Variants in C8A observed in about 807,000 individuals in gnomAD.
C8A encodes the protein complement component C8 alpha chain.
C8A carries 67 observed loss-of-function variants against 65.3 expected under a neutral mutation model. The ratio of observed to expected loss-of-function variants is 1.03; its 90% CI spans 0.84 to 1.26. The LOEUF (loss-of-function observed/expected upper bound fraction) is 1.26. Ranked by LOEUF, C8A falls within the 50% of genes most tolerant of loss-of-function variation. C8A has a pLI of 0.00. For missense variants in C8A, 781 were observed against 723.9 expected (o/e 1.08, Z -0.90); for synonymous variants, 290 against 259.4 (o/e 1.12, Z -1.13).
chr1:56,902,358 G>A (rs561760406), intron 7 of C8A, among the ~76,000 whole-genome samples: 9 of 151,044 alleles, frequency 6.0e-5, no homozygotes, highest in African/African-American at 2.2e-4. Flanking sequence ...CAGTTCTACT[G>A]GTCTCTCTTA....
At chr1:56,856,997 TTTCAA>T (rs1643983290) in intron 1 of C8A, among the ~76,000 whole-genome samples, 1 of 152,068 alleles carries the variant, frequency 6.6e-6, no homozygotes, top group African/African-American at 2.4e-5. Flanking sequence ...AAGTTTTTAA[TTTCAA>T]GTTTCTAATT....
intron 1 of C8A, among the ~76,000 whole-genome samples, chr1:56,860,245 G>A (rs1318960502): frequency 6.6e-6 from 1 of 152,132 alleles, no homozygotes. Flanking sequence ...AGGGTAAAGC[G>A]GAGGGATCAC....
intron 7 of C8A, among the ~76,000 whole-genome samples, chr1:56,902,477 T>C (rs1443091717): frequency 6.6e-6 from 1 of 152,200 alleles, no homozygotes; most frequent in Admixed American, 6.5e-5. Context: ...TCTTCTCTGA[T>C]CATTCCCTAT....
At chr1:56,855,519 A>G (rs917592646) in intron 1 of C8A, among the ~76,000 whole-genome samples, 6 of 152,124 alleles carry the variant, frequency 3.9e-5, no homozygotes, top group Admixed American at 1.3e-4. Context: ...GGGTCATTTG[A>G]TTCTAAAAAT....
At chr1:56,874,371 A>T (rs1250043626) in intron 2 of C8A, among the ~76,000 whole-genome samples, 1 of 152,172 alleles carries the variant, frequency 6.6e-6, no homozygotes. Context: ...CCAAAGAAAG[A>T]GGGGAATTCC....
At chr1:56,902,920 A>T (rs1484410333) in intron 7 of C8A, among the ~76,000 whole-genome samples, 1 of 152,108 alleles carries the variant, frequency 6.6e-6, no homozygotes, top group Non-Finnish European at 1.5e-5. Flanking sequence ...AGTTTCCCTA[A>T]TCTATGGAGA....
At chr1:56,877,608 G>T (rs1570325136) in intron 4 of C8A, among the ~76,000 whole-genome samples, 1 of 152,258 alleles carries the variant, frequency 6.6e-6, no homozygotes, top group Admixed American at 6.5e-5. Context: ...GAGGGCAGAG[G>T]TTGCTTCTGA....
intron 7 of C8A, among the ~76,000 whole-genome samples, chr1:56,895,384 T>C (rs1417043479): frequency 6.6e-6 from 1 of 152,240 alleles, no homozygotes; most frequent in East Asian, 1.9e-4. Flanking sequence ...AAAGAAGAAC[T>C]GAGACTCAGT....
intron 2 of C8A, among the ~76,000 whole-genome samples, chr1:56,874,588 G>A (rs1644179393): frequency 6.6e-6 from 1 of 152,202 alleles, no homozygotes; most frequent in African/African-American, 2.4e-5. Flanking sequence ...CATATGCCAA[G>A]TGCTAGTAGA....
chr1:56,909,658 C>T (rs1021561903), intron 9 of C8A, among the ~76,000 whole-genome samples: 1 of 152,118 alleles, frequency 6.6e-6, no homozygotes, highest in African/African-American at 2.4e-5. Flanking sequence ...TGGGAAAGAG[C>T]CCAGGCTTTG....
rs547002684 is a variant in C8A at position 56,881,952 on chromosome 1, T to G, written c.654+318T>G. Among the ~76,000 whole-genome samples, 11 of 152,288 alleles carry G rather than the reference T, an allele frequency of 7.2e-5. No individual in the cohort carries two copies. The East Asian group carries it at 1.9e-3, about 27-fold the overall frequency. On this transcript the variant is annotated intron_variant, in intron 5 of 10. Coordinates refer to ENST00000361249, the MANE Select transcript of C8A (RefSeq NM_000562.3). Reference sequence around the variant, plus strand: ...GGCTCTGTTAGACTATATACAAGACTGTTAGCAGCTAACTCACTGCCCTCC... The same window carrying G: ...GGCTCTGTTAGACTATATACAAGACGGTTAGCAGCTAACTCACTGCCCTCC...
rs772277625 is a variant in C8A at position 56,917,644 on chromosome 1, G to A, written c.1683G>A (p.Glu561=). 15 of 1,614,106 alleles carry A rather than the reference G, an allele frequency of 9.3e-6. No individual in the cohort carries two copies. The Admixed American group carries it at 2.5e-4, about 27-fold the overall frequency. ...CAGGCATCCAGGAAAGGAGAAGAGA[G>A]TGTGACAATCCAGCACCTCAGAATG... The part of the protein sequence containing the change: ...CRAGIQERRR[E]CDNPAPQNGG... The change falls in exon 11 of 11, where the codon GAG becomes GAA. Residue 561 remains glutamate (E), a synonymous_variant. Transcript: ENST00000361249.
intron 9 of C8A, among the ~76,000 whole-genome samples, chr1:56,909,100 C>T (rs1296219207): frequency 6.6e-6 from 1 of 152,152 alleles, no homozygotes; most frequent in African/African-American, 2.4e-5. Context: ...AGAAACCCTG[C>T]CTTAAATGCT....
chr1:56,856,072 A>G (rs913683960), intron 1 of C8A, among the ~76,000 whole-genome samples: 1 of 152,138 alleles, frequency 6.6e-6, no homozygotes, highest in Non-Finnish European at 1.5e-5. Context: ...AACTTATCAA[A>G]CAAGACAGAC....
intron 2 of C8A, among the ~76,000 whole-genome samples, chr1:56,874,545 A>T (rs1644178929): frequency 6.6e-6 from 1 of 152,164 alleles, no homozygotes; most frequent in African/African-American, 2.4e-5. Context: ...GGTGGGAGAG[A>T]TGGAGAACTA....
intron 2 of C8A, among the ~76,000 whole-genome samples, chr1:56,871,744 A>T (rs1053934774): frequency 7.9e-5 from 12 of 152,222 alleles, no homozygotes; most frequent in African/African-American, 2.7e-4. Flanking sequence ...CATGGTAGCC[A>T]CCATAACCAT....
chr1:56,883,272 G>T (rs562746826), intron 5 of C8A, among the ~76,000 whole-genome samples: 1 of 151,826 alleles, frequency 6.6e-6, no homozygotes, highest in South Asian at 2.1e-4. Flanking sequence ...GTGTAAATAA[G>T]TATTTTATCA....
At chr1:56,896,762 T>G (rs1557710832) in intron 7 of C8A, among the ~76,000 whole-genome samples, 1 of 152,152 alleles carries the variant, frequency 6.6e-6, no homozygotes, top group Non-Finnish European at 1.5e-5. Flanking sequence ...CAATAACAAC[T>G]GTGGAGCTAG....
chr1:56,883,833 T>C, intron 6 of C8A, 152 bp downstream of exon 6: 1 of 673,212 alleles, frequency 1.5e-6, no homozygotes. Context: ...GGTTTGTTTT[T>C]CTTATTACGC....
Sources: gnomAD v4.1 joint callset for allele counts (sites outside exome capture counted in the v4.1 genomes callset) on GRCh38, gnomAD v4.1.1 for gene constraint, MANE v1.5 for transcripts, NCBI Gene and HGNC (gene_info 2026-07-23, HGNC 2026-07-21) for gene names.